GRIK4: variants seen among roughly 807,000 people sequenced by gnomAD.
GRIK4 encodes the protein glutamate receptor ionotropic, kainate 4.
In GRIK4, 40 loss-of-function variants were observed where a neutral mutation model predicts 104.9. That is an observed-to-expected ratio of 0.38 (90% CI 0.30 to 0.50). The LOEUF (loss-of-function observed/expected upper bound fraction) is 0.50. GRIK4 is among the 20% of genes least tolerant of loss of function. The pLI, the probability that GRIK4 is intolerant of heterozygous loss-of-function variation, is 0.93. For synonymous variants in GRIK4, 485 were observed against 524.9 expected, an observed-to-expected ratio of 0.92 and a Z score of 1.04; for missense variants, 1,047 against 1,308.1, an observed-to-expected ratio of 0.80 and a Z score of 3.08.
intron 1 of GRIK4, among the ~76,000 whole-genome samples, chr11:120,640,056 G>C (rs185125283): frequency 2.6e-5 from 4 of 152,218 alleles, no homozygotes; most frequent in Admixed American, 6.5e-5. Context: ...TGCCAGAAAG[G>C]GGTCTTGATC....
At chr11:120,811,578 T>A (rs1952829551) in intron 4 of GRIK4, among the ~76,000 whole-genome samples, 1 of 152,244 alleles carries the variant, frequency 6.6e-6, no homozygotes, top group Non-Finnish European at 1.5e-5. Context: ...GGGCCATAGT[T>A]AACACTCAGT....
At chr11:120,762,293 T>C (rs1376978289) in intron 3 of GRIK4, among the ~76,000 whole-genome samples, 203 of 152,354 alleles carry the variant, frequency 1.3e-3, no homozygotes, top group Non-Finnish European at 2.0e-3. Flanking sequence ...ATTGATTTTG[T>C]ATCCTAAGAC....
chr11:120,758,645 C>G (rs1212965163), intron 3 of GRIK4, among the ~76,000 whole-genome samples: 5 of 152,158 alleles, frequency 3.3e-5, no homozygotes, highest in Admixed American at 6.5e-5. Flanking sequence ...CCTGGAACTT[C>G]TAATAACAAG....
intron 1 of GRIK4, among the ~76,000 whole-genome samples, chr11:120,527,689 G>A (rs1210819660): frequency 6.6e-6 from 1 of 152,256 alleles, no homozygotes; most frequent in Admixed American, 6.5e-5. Flanking sequence ...CACCCCTGGC[G>A]TGTGGCCTTG....
At chr11:120,978,221 G>A (rs910782785) in intron 19 of GRIK4, among the ~76,000 whole-genome samples, 1 of 152,214 alleles carries the variant, frequency 6.6e-6, no homozygotes, top group South Asian at 2.1e-4. Flanking sequence ...TCACAGTGTA[G>A]TGGGAAATCC....
intron 1 of GRIK4, among the ~76,000 whole-genome samples, chr11:120,518,927 TC>T (rs1298195832): frequency 6.6e-6 from 1 of 152,222 alleles, no homozygotes; most frequent in Non-Finnish European, 1.5e-5. Context: ...TTAGCCTGTG[TC>T]TTTTGCTGGG....
chr11:120,850,233 T>C (rs1056916280), intron 8 of GRIK4, among the ~76,000 whole-genome samples: 2 of 152,140 alleles, frequency 1.3e-5, no homozygotes, highest in Non-Finnish European at 2.9e-5. Context: ...ATCTCCTTCT[T>C]TGAAGGCAAC....
At chr11:120,917,422 T>G (rs938391057) in intron 13 of GRIK4, among the ~76,000 whole-genome samples, 1 of 152,134 alleles carries the variant, frequency 6.6e-6, no homozygotes, top group Non-Finnish European at 1.5e-5. Context: ...GGTTTGGTTC[T>G]GTCTCTGAAA....
At chr11:120,683,670 A>G (rs965921086) in intron 3 of GRIK4, among the ~76,000 whole-genome samples, 2 of 152,228 alleles carry the variant, frequency 1.3e-5, no homozygotes, top group Non-Finnish European at 2.9e-5. Context: ...AAAGATTTGC[A>G]AAATAGACAT....
In GRIK4 at chr11:120,925,246, A is replaced by C. The variant is rs117508216; in HGVS notation, c.1477-15101A>C. ...TCCTAATAACAGGCCCGTGAATCTCACCATTCCTAATTACAGGGCTGACAA... is the reference window on the plus strand; with the variant it reads ...TCCTAATAACAGGCCCGTGAATCTCCCCATTCCTAATTACAGGGCTGACAA... On this transcript the variant is annotated intron_variant, in intron 13 of 20. Coordinates refer to ENST00000527524, the MANE Select transcript of GRIK4 (RefSeq NM_014619.5). Among the ~76,000 whole-genome samples the C allele has an allele frequency of 9.2e-3, 1,402 of 152,144 alleles. 13 individuals are homozygous for C. Among genetic ancestry groups the C allele is most frequent in the Middle Eastern group, 0.037 (11 of 294 alleles).
chr11:120,676,656 C>A (rs1018735302), intron 3 of GRIK4, among the ~76,000 whole-genome samples: 10 of 152,202 alleles, frequency 6.6e-5, no homozygotes, highest in African/African-American at 2.4e-4. Flanking sequence ...AGAACTCACT[C>A]ACTGCAGAAC....
intron 3 of GRIK4, among the ~76,000 whole-genome samples, chr11:120,695,554 A>G (rs1950432315): frequency 1.3e-5 from 2 of 152,246 alleles, no homozygotes; most frequent in South Asian, 4.1e-4. Flanking sequence ...CAGAACTTTC[A>G]TTTATGCAGA....
intron 3 of GRIK4, among the ~76,000 whole-genome samples, chr11:120,785,326 C>G (rs1356913424): frequency 2.0e-5 from 3 of 152,178 alleles, no homozygotes; most frequent in African/African-American, 7.2e-5. Flanking sequence ...CAAAAGAGAA[C>G]ACATGGGGAC....
intron 1 of GRIK4, among the ~76,000 whole-genome samples, chr11:120,515,186 C>T (rs911377019): frequency 6.6e-6 from 1 of 152,200 alleles, no homozygotes; most frequent in Non-Finnish European, 1.5e-5. Context: ...GCATTTCCTC[C>T]TCTTTTCCTC....
At chr11:120,712,678 G>A (rs888238880) in intron 3 of GRIK4, among the ~76,000 whole-genome samples, 1 of 151,610 alleles carries the variant, frequency 6.6e-6, no homozygotes, top group African/African-American at 2.4e-5. Context: ...GGAGCTCACT[G>A]CCTGGTCGTC....
chr11:120,747,639 TC>T (rs1029899432), intron 3 of GRIK4, among the ~76,000 whole-genome samples: 3 of 152,228 alleles, frequency 2.0e-5, no homozygotes, highest in African/African-American at 7.2e-5. Flanking sequence ...CTGCCAGGGT[TC>T]CTTGTTCTAT....
intron 1 of GRIK4, among the ~76,000 whole-genome samples, chr11:120,587,261 C>T (rs910667122): frequency 2.6e-5 from 4 of 152,112 alleles, no homozygotes; most frequent in Middle Eastern, 6.8e-3. Flanking sequence ...CACCGACAAT[C>T]GGGGTGAGAG....
chr11:120,963,308 C>T (rs983632724), intron 18 of GRIK4, among the ~76,000 whole-genome samples: 3 of 152,198 alleles, frequency 2.0e-5, no homozygotes, highest in African/African-American at 7.2e-5. Context: ...AGGATAGAGA[C>T]GTTTGGCTTC....
At chr11:120,645,349 C>T (rs1185596322) in intron 1 of GRIK4, among the ~76,000 whole-genome samples, 1 of 152,202 alleles carries the variant, frequency 6.6e-6, no homozygotes, top group African/African-American at 2.4e-5. Context: ...ACAGTGAGCC[C>T]CTGGAAAGAA....
Sources: gnomAD v4.1 joint callset for allele counts (sites outside exome capture counted in the v4.1 genomes callset) on GRCh38, gnomAD v4.1.1 for gene constraint, MANE v1.5 for transcripts, NCBI Gene and HGNC (gene_info 2026-07-23, HGNC 2026-07-21) for gene names.